Variants in OSBP observed in about 807,000 individuals in gnomAD.
The protein encoded by OSBP is oxysterol binding protein.
OSBP carries 32 observed loss-of-function variants against 96.6 expected under a neutral mutation model. The observed-to-expected ratio is 0.33, with a 90% CI of 0.25 to 0.45. The LOEUF (loss-of-function observed/expected upper bound fraction) is 0.45, where lower values mean the gene tolerates loss of function less well. Among genes scored for constraint, OSBP ranks in the 20% least tolerant of loss-of-function variants. OSBP has a pLI of 1.00. For synonymous variants in OSBP, 369 were observed against 389.6 expected (o/e 0.95, Z 0.62); for missense variants, 653 against 1,029.7 (o/e 0.63, Z 5.01).
chr11:59,615,601 C>T lies in OSBP; in HGVS notation c.64G>A (p.Gly22Ser), dbSNP rs1860917321. ...PGPAAIAALG[G>S]GGAGPPVVGG... ...ACCACTGGGGGACCGGCGCCGCCGC[C>T]GCCAAGTGCTGCAATGGCTGCCGGG... Residue 22 changes from glycine to serine, a missense_variant, in exon 1 of 14, where the codon GGC (glycine) becomes AGC (serine). Transcript: ENST00000263847. 1.5e-6 allele frequency: 2 copies of T among 1,376,584 alleles called. No homozygotes were observed. Among genetic ancestry groups the T allele is most frequent in the East Asian group, 3.1e-5 (1 of 32,202 alleles). The allele number at this position is 1,376,584 out of a possible 1,614,324, so 85.3% of individuals were successfully genotyped here.
At chr11:59,601,115 CAAAAAA>C (rs11405726) in intron 5 of OSBP, among the ~76,000 whole-genome samples, 162 bp downstream of exon 5, 29 of 113,868 alleles carry the variant, frequency 2.5e-4, no homozygotes, top group African/African-American at 4.6e-4. Context: ...GATCTTGAGA[CAAAAAA>C]AAAAAAAAAA....
At position 59,576,267 on chromosome 11, in the gene OSBP, G is replaced by C. The variant is rs1164674340; in HGVS notation, c.*310C>G. 1 of 266,504 alleles carries C rather than the reference G, an allele frequency of 3.8e-6. No individual in the cohort carries two copies. Among genetic ancestry groups the C allele is most frequent in the Non-Finnish European group, 7.0e-6 (1 of 142,126 alleles). The allele number at this position is 266,504 out of a possible 1,614,324, so 16.5% of individuals were successfully genotyped here. A position where few individuals can be genotyped will look rare whatever the true frequency, so the allele number is the denominator to read the frequency against. The stretch of plus-strand genomic sequence containing the variant: ...AGGGTGAGTGACATTGTCTTAAATG[G>C]GGGCAGAGGGAGAAAGAAGAGCCAA... On this transcript the variant is annotated 3_prime_UTR_variant, in exon 14 of 14. Coordinates refer to ENST00000263847, the MANE Select transcript of OSBP (RefSeq NM_002556.3).
chr11:59,609,852 ATTGTTTCAACT>A (rs1293212721), intron 2 of OSBP, among the ~76,000 whole-genome samples: 1 of 152,236 alleles, frequency 6.6e-6, no homozygotes, highest in Non-Finnish European at 1.5e-5. Context: ...GTCTACTAAA[ATTGTTTCAACT>A]TAACTAACAA....
chr11:59,610,663 A>C, intron 1 of OSBP, 74 bp from the exon 2 acceptor site: 1 of 1,223,822 alleles, frequency 8.2e-7, no homozygotes, highest in African/African-American at 1.5e-5. Flanking sequence ...ATTTCTTTTC[A>C]TAACTCTGAG....
chr11:59,579,824 T>G lies in OSBP; in HGVS notation c.1878+350A>C, dbSNP rs568571408. ...TCTGCCTCCCAGGTTCAAGCGATTC[T>G]CCTGCCTCACCCGAGTAGCTGGGAT... is the stretch of plus-strand genomic sequence containing the variant. On this transcript the variant is annotated intron_variant, in intron 11 of 13. Transcript: ENST00000263847. Among the ~76,000 whole-genome samples the G allele has an allele frequency of 1.2e-4, 18 of 151,962 alleles. No homozygotes were observed. In the East Asian group the frequency reaches 3.5e-3, roughly 29 times the overall value.
intron 5 of OSBP, 34 bp downstream of exon 5, chr11:59,601,249 T>A: frequency 8.5e-7 from 1 of 1,182,524 alleles, no homozygotes; most frequent in Non-Finnish European, 1.3e-6. Flanking sequence ...GGTGAAGATA[T>A]GTTTATTTGC....
At chr11:59,606,217 T>C (rs530124656) in intron 3 of OSBP, among the ~76,000 whole-genome samples, 1 of 152,244 alleles carries the variant, frequency 6.6e-6, no homozygotes, top group African/African-American at 2.4e-5. Context: ...ACTAGCACAG[T>C]TCGTGGAACA....
At chr11:59,601,571 TCTC>T in intron 4 of OSBP, 66 bp downstream of exon 4, 5 of 1,414,296 alleles carry the variant, frequency 3.5e-6, no homozygotes, top group Admixed American at 3.4e-5. Context: ...AGTTTGGAGT[TCTC>T]CTATCAACTG....
rs115722424 is a variant in OSBP, at chr11:59,607,403, T to C, written c.822+1081A>G. On this transcript the variant is annotated intron_variant, in intron 3 of 13. Coordinates refer to ENST00000263847, the MANE Select transcript of OSBP (RefSeq NM_002556.3). ...GAATGTAATTTGTCTTTTTACTTTG[T>C]GTGAATCACAGCACTGAAGATAGTG... Among the ~76,000 whole-genome samples, 509 of 152,288 alleles carry C rather than the reference T, an allele frequency of 3.3e-3. 5 individuals carry two copies. Among genetic ancestry groups the C allele is most frequent in the African/African-American group, 0.011 (456 of 41,576 alleles).
intron 7 of OSBP, among the ~76,000 whole-genome samples, chr11:59,598,880 G>T (rs553287274): frequency 2.2e-4 from 34 of 152,302 alleles, no homozygotes; most frequent in Non-Finnish European, 4.4e-4. Context: ...ATGAGCCACC[G>T]CACCCAGCCA....
chr11:59,608,890 G>A (rs553707064), intron 2 of OSBP, among the ~76,000 whole-genome samples, 156 bp from the exon 3 acceptor site: 98 of 152,194 alleles, frequency 6.4e-4, no homozygotes, highest in African/African-American at 2.0e-3. Context: ...TCTATAGTGT[G>A]GTCCACAGAT....
intron 12 of OSBP, among the ~76,000 whole-genome samples, chr11:59,577,682 G>A (rs774191159): frequency 2.0e-5 from 3 of 152,024 alleles, no homozygotes; most frequent in East Asian, 3.9e-4. Context: ...TAGTAGAGAC[G>A]GTTTCGCCAT....
chr11:59,587,148 A>C (rs970646315), intron 9 of OSBP, among the ~76,000 whole-genome samples: 1 of 152,230 alleles, frequency 6.6e-6, no homozygotes, highest in Admixed American at 6.5e-5. Context: ...AATATCTAGA[A>C]TATACGGAGA....
At chr11:59,591,828 C>A (rs1312266920) in intron 9 of OSBP, among the ~76,000 whole-genome samples, 2 of 151,982 alleles carry the variant, frequency 1.3e-5, no homozygotes, top group African/African-American at 4.8e-5. Flanking sequence ...ACCATGTTGG[C>A]CAGGCTGGTC....
chr11:59,612,380 C>T (rs2134711362), intron 1 of OSBP, among the ~76,000 whole-genome samples: 1 of 152,316 alleles, frequency 6.6e-6, no homozygotes, highest in East Asian at 1.9e-4. Context: ...GACAGGCCAG[C>T]TCGCTCATGT....
intron 3 of OSBP, among the ~76,000 whole-genome samples, chr11:59,602,441 T>A (rs926004742): frequency 5.3e-5 from 8 of 152,034 alleles, no homozygotes; most frequent in Non-Finnish European, 8.8e-5. Flanking sequence ...AAGAAGAGGT[T>A]TAGAGAAAAA....
intron 9 of OSBP, among the ~76,000 whole-genome samples, chr11:59,591,320 T>G (rs949896375): frequency 6.6e-6 from 1 of 152,096 alleles, no homozygotes; most frequent in Non-Finnish European, 1.5e-5. Context: ...ATAGAGAAAA[T>G]GTACAATATT....
chr11:59,597,069 T>A (rs1013948721), intron 7 of OSBP, among the ~76,000 whole-genome samples: 1 of 151,946 alleles, frequency 6.6e-6, no homozygotes, highest in Non-Finnish European at 1.5e-5. Flanking sequence ...TATTTCTTTC[T>A]TTTTTTTGAG....
At chr11:59,608,960 C>T (rs1860814558) in intron 2 of OSBP, among the ~76,000 whole-genome samples, 1 of 152,200 alleles carries the variant, frequency 6.6e-6, no homozygotes, top group African/African-American at 2.4e-5. Flanking sequence ...AGGCCCACCC[C>T]TAGAGACTTC....
Sources: allele counts gnomAD v4.1 joint callset (sites outside exome capture counted in the v4.1 genomes callset), GRCh38; gene constraint gnomAD v4.1.1; transcripts MANE v1.5; gene names NCBI Gene and HGNC (gene_info 2026-07-23, HGNC 2026-07-21).